Variants in TENM4 observed in about 807,000 individuals in gnomAD.
TENM4 encodes the protein teneurin-4.
A neutral mutation model predicts 243.3 loss-of-function variants in TENM4; 82 were observed. The ratio of observed to expected loss-of-function variants is 0.34; its 90% confidence interval spans 0.28 to 0.40. The LOEUF (loss-of-function observed/expected upper bound fraction) is 0.40, where lower values mean the gene tolerates loss of function less well. TENM4 is among the 10% of genes least tolerant of loss of function. TENM4 has a pLI of 1.00. For missense variants in TENM4, 3,138 were observed against 3,673.3 expected (o/e 0.85, Z 3.77); for synonymous variants, 1,412 against 1,456.3 (o/e 0.97, Z 0.69).
intron 19 of TENM4, among the ~76,000 whole-genome samples, chr11:78,751,743 C>A (rs1294979297): frequency 6.6e-6 from 1 of 152,218 alleles, no homozygotes; most frequent in African/African-American, 2.4e-5. Flanking sequence ...CGGGAAACAG[C>A]TCTGGCTCGA....
intron 18 of TENM4, among the ~76,000 whole-genome samples, chr11:78,766,940 G>C (rs528013105): frequency 6.6e-6 from 1 of 152,122 alleles, no homozygotes; most frequent in Non-Finnish European, 1.5e-5. Context: ...CTGGCCTCAA[G>C]TGATCCACCC....
At chr11:79,089,329 C>T (rs1359672378) in intron 4 of TENM4, among the ~76,000 whole-genome samples, 1 of 152,228 alleles carries the variant, frequency 6.6e-6, no homozygotes, top group South Asian at 2.1e-4. Flanking sequence ...CTGCTTTGGC[C>T]TGCTAGCTTC....
intron 6 of TENM4, among the ~76,000 whole-genome samples, chr11:78,909,811 A>T (rs572501692): frequency 6.6e-6 from 1 of 152,348 alleles, no homozygotes; most frequent in Admixed American, 6.5e-5. Flanking sequence ...ATGTGAAAAC[A>T]GTGGCTGCGG....
At position 78,805,347 on chromosome 11, in the gene TENM4, C is replaced by T. The variant is rs747147155; in HGVS notation, c.2124G>A (p.Pro708=). 26 of 1,612,168 alleles carry T rather than the reference C, an allele frequency of 1.6e-5. No homozygotes were observed. The highest frequency in any genetic ancestry group is 1.5e-4 in the African/African-American group (11 of 74,914). The stretch of plus-strand genomic sequence containing the variant: ...GGTCACAGCTGCAAAGCCCGGTGTC[C>T]GGGAGGAAGGTTCCGTGGCCTGAAC... ...DQCSGHGTFL[P]DTGLCSCDPS... is the part of the protein sequence containing the mutation. The change falls in exon 15 of 34, where the codon CCG becomes CCA. Residue 708 remains proline, a synonymous_variant. Coordinates refer to ENST00000278550, the MANE Select transcript of TENM4 (RefSeq NM_001098816.3).
chr11:79,061,099 G>A (rs1860074892), intron 6 of TENM4, among the ~76,000 whole-genome samples: 1 of 152,204 alleles, frequency 6.6e-6, no homozygotes, highest in African/African-American at 2.4e-5. Flanking sequence ...TAGATATGTG[G>A]CCCTGTGCAC....
intron 32 of TENM4, among the ~76,000 whole-genome samples, chr11:78,667,996 C>G (rs914740897): frequency 1.3e-5 from 2 of 152,120 alleles, no homozygotes; most frequent in Non-Finnish European, 2.9e-5. Flanking sequence ...CCTGTGGGAC[C>G]CTGGGACACT....
At chr11:78,938,407 A>G (rs1291826414) in intron 6 of TENM4, among the ~76,000 whole-genome samples, 1 of 152,190 alleles carries the variant, frequency 6.6e-6, no homozygotes, top group Non-Finnish European at 1.5e-5. Flanking sequence ...CACTCAGAGC[A>G]TCTATCTTAA....
chr11:78,735,660 C>T (rs1046825177), intron 20 of TENM4, among the ~76,000 whole-genome samples: 1 of 152,230 alleles, frequency 6.6e-6, no homozygotes, highest in Non-Finnish European at 1.5e-5. Flanking sequence ...AGCGCAGGGC[C>T]ATTCTGAACA....
chr11:79,411,547 C>G (rs568278260), intron 1 of TENM4, among the ~76,000 whole-genome samples: 3 of 152,304 alleles, frequency 2.0e-5, no homozygotes, highest in African/African-American at 7.2e-5. Context: ...CCTGGCCTTG[C>G]GCTGCAGCCT....
intron 4 of TENM4, among the ~76,000 whole-genome samples, chr11:79,091,942 C>A (rs1860965643): frequency 6.6e-6 from 1 of 152,082 alleles, no homozygotes; most frequent in Non-Finnish European, 1.5e-5. Context: ...CGCTTAAATC[C>A]TCCAGGAGCT....
intron 14 of TENM4, among the ~76,000 whole-genome samples, 183 bp from the exon 15 acceptor site, chr11:78,805,675 C>T (rs996335184): frequency 1.3e-5 from 2 of 152,172 alleles, no homozygotes; most frequent in Admixed American, 6.5e-5. Flanking sequence ...CCCAACTCCA[C>T]CCAGGTAGAA....
At chr11:78,821,446 C>A (rs186682369) in intron 12 of TENM4, among the ~76,000 whole-genome samples, 1 of 152,276 alleles carries the variant, frequency 6.6e-6, no homozygotes, top group East Asian at 1.9e-4. Flanking sequence ...GTTCCAGAGG[C>A]GTTTGGTGGC....
At chr11:79,020,280 T>C (rs963041800) in intron 6 of TENM4, among the ~76,000 whole-genome samples, 15 of 152,214 alleles carry the variant, frequency 9.9e-5, no homozygotes, top group African/African-American at 3.4e-4. Context: ...CACCGAACAC[T>C]AATTTTGCAG....
chr11:78,922,768 C>G (rs909594542), intron 6 of TENM4, among the ~76,000 whole-genome samples: 1 of 152,156 alleles, frequency 6.6e-6, no homozygotes, highest in Non-Finnish European at 1.5e-5. Flanking sequence ...AAATGTTCCT[C>G]AAGTACAAAA....
chr11:79,142,655 A>T (rs1360770891), intron 4 of TENM4, among the ~76,000 whole-genome samples: 4 of 152,126 alleles, frequency 2.6e-5, no homozygotes. Context: ...ATGGAGCCAC[A>T]AAAGACCTGG....
At position 78,771,136 on chromosome 11, in the gene TENM4, C is replaced by A; in HGVS notation, c.2395G>T (p.Gly799Cys). 1 of 1,566,186 alleles carries A rather than the reference C, an allele frequency of 6.4e-7. No homozygotes were observed. Among genetic ancestry groups the A allele is most frequent in the East Asian group, 2.4e-5 (1 of 41,942 alleles). Residue 799 changes from glycine (G) to cysteine (C), a missense_variant and splice_region_variant, in exon 18 of 34, where the codon GGT (glycine) becomes TGT (cysteine). Physicochemically the swap from Gly to Cys is radical, Grantham distance 159. Coordinates refer to ENST00000278550, the MANE Select transcript of TENM4 (RefSeq NM_001098816.3). ...AHYLDRVVKE[G>C]CPGLCNGNGR... ...TTGCCATTGCACAACCCAGGGCAAC[C>A]CTCTGAAAGACAAAGTACAGGGTTG...
intron 1 of TENM4, among the ~76,000 whole-genome samples, chr11:79,373,807 A>G (rs1244039682): frequency 1.3e-5 from 2 of 152,182 alleles, no homozygotes; most frequent in Non-Finnish European, 1.5e-5. Flanking sequence ...TAAAGGCCTG[A>G]CTCACCATAG....
At chr11:79,431,301 A>G (rs1326486753) in intron 1 of TENM4, among the ~76,000 whole-genome samples, 1 of 152,230 alleles carries the variant, frequency 6.6e-6, no homozygotes, top group Non-Finnish European at 1.5e-5. Flanking sequence ...TCAAAACAAT[A>G]CGTAATCTTT....
chr11:79,085,163 G>C (rs1010847787), intron 4 of TENM4, among the ~76,000 whole-genome samples: 2 of 151,938 alleles, frequency 1.3e-5, no homozygotes, highest in African/African-American at 2.4e-5. Context: ...ACGAGGTCAG[G>C]AGATCGAGAC....
Sources: allele counts gnomAD v4.1 joint callset (sites outside exome capture counted in the v4.1 genomes callset), GRCh38; gene constraint gnomAD v4.1.1; transcripts MANE v1.5; gene names NCBI Gene and HGNC (gene_info 2026-07-23, HGNC 2026-07-21).